Variants in ANO1 observed in about 807,000 individuals in gnomAD.
The protein encoded by ANO1 is anoctamin-1.
Under a neutral mutation model 124.0 loss-of-function variants are expected in ANO1, and 59 were observed. That is an observed-to-expected ratio of 0.48 (90% CI 0.39 to 0.59). The LOEUF is 0.59. ANO1 is among the 20% of genes least tolerant of loss of function. The pLI is 0.00. For missense variants in ANO1, 1,059 were observed against 1,328.0 expected, an observed-to-expected ratio of 0.80 and a Z score of 3.15; for synonymous variants, 529 against 532.0, an observed-to-expected ratio of 0.99 and a Z score of 0.08.
chr11:70,116,918 A>T (rs2045997009), intron 8 of ANO1, among the ~76,000 whole-genome samples: 1 of 152,130 alleles, frequency 6.6e-6, no homozygotes, highest in Non-Finnish European at 1.5e-5. Context: ...CACCAGGTGC[A>T]CAGAGAACAA....
chr11:70,042,569 G>GAA (rs1461776887), intron 1 of ANO1, among the ~76,000 whole-genome samples: 1 of 151,946 alleles, frequency 6.6e-6, no homozygotes, highest in Non-Finnish European at 1.5e-5. Context: ...GAGAGAGAGA[G>GAA]AAATCTGCAG....
intron 19 of ANO1, 136 bp downstream of exon 19, chr11:70,163,476 A>G: frequency 4.6e-6 from 5 of 1,088,352 alleles, no homozygotes; most frequent in Non-Finnish European, 6.8e-6. Flanking sequence ...CTTGCTGGAA[A>G]CTTTTCTGTT....
At position 70,104,017 on chromosome 11, in the gene ANO1, A is replaced by G; in HGVS notation, c.559A>G (p.Thr187Ala). ...TCTGCAGATGTACCACATTAATGAG[A>G]CCCGTGGCCTCCTGAAAAAAATCAA... ...PTKKMYHINETRGLLKKINSV... is the reference protein window; with the variant it reads ...PTKKMYHINEARGLLKKINSV... Residue 187 changes from threonine (T) to alanine (A), a missense_variant, in exon 4 of 26, where the codon ACC becomes GCC. Thr to Ala is a moderately conservative substitution (Grantham distance 58). Coordinates refer to ENST00000355303, the MANE Select transcript of ANO1 (RefSeq NM_018043.7). 1 of 1,612,062 alleles carries G rather than the reference A, an allele frequency of 6.2e-7. No homozygotes were observed. The highest frequency in any genetic ancestry group is 8.5e-7 in the Non-Finnish European group (1 of 1,179,214).
chr11:70,070,640 C>T (rs7949333), intron 1 of ANO1, among the ~76,000 whole-genome samples: 61,240 of 152,114 alleles, frequency 0.4, 13,402 homozygotes, highest in East Asian at 0.67. Context: ...CATGCCAATG[C>T]GCTCCAGCCT....
chr11:70,165,738 A>G (rs2048232558), intron 20 of ANO1, among the ~76,000 whole-genome samples, 168 bp downstream of exon 20: 1 of 152,170 alleles, frequency 6.6e-6, no homozygotes, highest in Non-Finnish European at 1.5e-5. Flanking sequence ...AAGCCACCCC[A>G]GGCCAGGCAT....
intron 1 of ANO1, among the ~76,000 whole-genome samples, chr11:70,036,677 G>A (rs1243739758): frequency 1.3e-5 from 2 of 152,070 alleles, no homozygotes; most frequent in Non-Finnish European, 2.9e-5. Flanking sequence ...GCACGATCTC[G>A]GCTCACTGCA....
chr11:70,006,966 G>T (rs948969776), intron 1 of ANO1, among the ~76,000 whole-genome samples: 2 of 151,880 alleles, frequency 1.3e-5, no homozygotes, highest in African/African-American at 2.4e-5. Flanking sequence ...CATCACACCC[G>T]GCCCATTTTA....
chr11:70,002,600 T>A (rs1364623522), intron 1 of ANO1, among the ~76,000 whole-genome samples: 1 of 152,196 alleles, frequency 6.6e-6, no homozygotes, highest in Non-Finnish European at 1.5e-5. Flanking sequence ...GGCTACGTCA[T>A]CTCAGTTTGT....
At position 70,126,201 on chromosome 11, in the gene ANO1, C is replaced by T. The variant is rs560760995; in HGVS notation, c.1097+6C>T. On this transcript the variant is annotated splice_donor_region_variant and intron_variant, in intron 10 of 25. Coordinates refer to ENST00000355303, the MANE Select transcript of ANO1 (RefSeq NM_018043.7). ...ATGGATGAAAACATCCCCAGGTAGG[C>T]GGCAGCCCACCCCCACCACCCCGCA... The T allele has an allele frequency of 1.7e-5, 27 of 1,609,492 alleles. No homozygotes were observed. The Admixed American group carries it at 2.5e-4, about 15-fold the overall frequency.
chr11:70,100,314 G>A (rs1038920534), intron 2 of ANO1, among the ~76,000 whole-genome samples: 5 of 152,324 alleles, frequency 3.3e-5, no homozygotes, highest in East Asian at 1.9e-4. Flanking sequence ...AAGGGTCTTC[G>A]CAGAGGGAAT....
the ANO1 span, among the ~76,000 whole-genome samples, chr11:69,972,997 C>T: frequency 6.6e-6 from 1 of 151,984 alleles, no homozygotes; most frequent in African/African-American, 2.4e-5. Context: ...GCAACCTCCA[C>T]CTCCCGGGTT....
At chr11:70,066,848 G>T (rs1054089545) in intron 1 of ANO1, among the ~76,000 whole-genome samples, 6 of 152,080 alleles carry the variant, frequency 3.9e-5, no homozygotes, top group Non-Finnish European at 7.4e-5. Flanking sequence ...ACTCTGCCCC[G>T]GCCTGGTTGC....
chr11:70,078,861 G>T (rs2044113333), intron 1 of ANO1, 147 bp downstream of exon 1: 2 of 294,882 alleles, frequency 6.8e-6, no homozygotes, highest in Non-Finnish European at 1.1e-5. Context: ...ACCCGCGCAC[G>T]TGCGTGCCGG....
chr11:70,024,645 C>T (rs1026363323), intron 1 of ANO1, among the ~76,000 whole-genome samples: 2 of 152,152 alleles, frequency 1.3e-5, no homozygotes, highest in Non-Finnish European at 2.9e-5. Flanking sequence ...TGGGGAAACT[C>T]GGGCTCAGAG....
chr11:70,148,141 C>T (rs1291494734), intron 11 of ANO1, among the ~76,000 whole-genome samples: 3 of 152,176 alleles, frequency 2.0e-5, no homozygotes, highest in East Asian at 1.9e-4. Context: ...TCCTGCCACA[C>T]GCTGCCTTCA....
At chr11:70,090,038 T>C (rs1023754319) in intron 2 of ANO1, among the ~76,000 whole-genome samples, 10 of 144,908 alleles carry the variant, frequency 6.9e-5, no homozygotes, top group African/African-American at 2.6e-4. Context: ...TTTGTTTGTT[T>C]TGAGGCGGAA....
In ANO1 at chr11:70,171,347, T is replaced by C. The variant is rs2048466532; in HGVS notation, c.2350+308T>C. ...GAGGTACAAGAGACTACATTTCCTC[T>C]CTGATGGCTGGCGACACCCACCTGT... is the stretch of plus-strand genomic sequence containing the variant. On this transcript the variant is annotated intron_variant, in intron 22 of 25. Transcript: ENST00000355303. Among the ~76,000 whole-genome samples, 3 of 151,762 alleles carry C rather than the reference T, an allele frequency of 2.0e-5. No homozygotes were observed. In the South Asian group the frequency reaches 6.2e-4, roughly 32 times the overall value.
chr11:70,060,961 C>T (rs782231487), intron 1 of ANO1, among the ~76,000 whole-genome samples: 4 of 152,136 alleles, frequency 2.6e-5, no homozygotes, highest in South Asian at 2.1e-4. Flanking sequence ...AGTTAAGTTA[C>T]GCTTTGTGAG....
At chr11:70,012,167 C>T (rs1336703361) in intron 1 of ANO1, among the ~76,000 whole-genome samples, 8 of 151,742 alleles carry the variant, frequency 5.3e-5, no homozygotes, top group Admixed American at 5.3e-4. Context: ...TCCATTGTTC[C>T]ATCTATCTAT....
Sources: gnomAD v4.1 joint callset for allele counts (sites outside exome capture counted in the v4.1 genomes callset) on GRCh38, gnomAD v4.1.1 for gene constraint, MANE v1.5 for transcripts, NCBI Gene and HGNC (gene_info 2026-07-23, HGNC 2026-07-21) for gene names.